HLA-DQB1: variants seen among roughly 807,000 people sequenced by gnomAD.
The protein encoded by HLA-DQB1 is HLA class II histocompatibility antigen, DQ beta 1 chain.
In HLA-DQB1, 13 loss-of-function variants were observed where a neutral mutation model predicts 26.4. The observed-to-expected ratio is 0.49, with a 90% CI of 0.32 to 0.78. The LOEUF (loss-of-function observed/expected upper bound fraction) is 0.78, where lower values mean the gene tolerates loss of function less well. HLA-DQB1 is among the 30% of genes least tolerant of loss of function. HLA-DQB1 has a pLI of 0.03. For synonymous variants in HLA-DQB1, 60 were observed against 129.1 expected (o/e 0.46, Z 3.63); for missense variants, 158 against 326.2 (o/e 0.48, Z 3.97).
Position 32,664,860 on chromosome 6 carries a change from TCC to T in HLA-DQB1, c.315_316del (p.Glu106ValfsTer61), listed in dbSNP as rs1783804457. 12 of 1,119,740 alleles carry T rather than the reference TCC, an allele frequency of 1.1e-5. No individual in the cohort carries two copies. The highest frequency in any genetic ancestry group is 2.2e-4 in the Middle Eastern group (1 of 4,546). The allele number at this position is 1,119,740 out of a possible 1,614,324, so 69.4% of individuals were successfully genotyped here. A position where few individuals can be genotyped will look rare whatever the true frequency, so the allele number is the denominator to read the frequency against. On this transcript the variant is annotated frameshift_variant, in exon 2 of 5. Transcript: ENST00000434651. LOFTEE classifies it high-confidence loss of function. ...GTTGTGTCTGCACACCGTGTCCAAC[TCC>T]GCCCGGGTCCCCTCCAGGACTTCCT...
At position 32,660,266 on chromosome 6, in the gene HLA-DQB1, AGCAT is replaced by A; in HGVS notation, c.773-21_773-18del. ...GCAGAAGCCCTGGAGAAGAGAGAAG[AGCAT>A]TGATCAGCACAGGGTATCCTGGTGG... On this transcript the variant is annotated intron_variant, in intron 4 of 4. Coordinates refer to ENST00000434651, the Ensembl canonical transcript of HLA-DQB1. 1 of 1,036,048 alleles carries A rather than the reference AGCAT, an allele frequency of 9.7e-7. No individual in the cohort carries two copies. The highest frequency in any genetic ancestry group is 1.4e-6 in the Non-Finnish European group (1 of 730,708). The allele number at this position is 1,036,048 out of a possible 1,614,324, so 64.2% of individuals were successfully genotyped here.
In HLA-DQB1 at chr6:32,666,521, C is replaced by T. The variant is rs200162904; in HGVS notation, c.87G>A (p.Leu29=). The T allele has an allele frequency of 7.9e-6, 9 of 1,144,178 alleles. No individual in the cohort carries two copies. In the Admixed American group the frequency reaches 1.7e-4, roughly 22 times the overall value. The allele number at this position is 1,144,178 out of a possible 1,614,324, so 70.9% of individuals were successfully genotyped here. Residue 29 remains leucine, a synonymous_variant, in exon 1 of 5, where the codon CTG becomes CTA. Transcript: ENST00000434651. ...TACCGGGAGAGTCTCTGCCCTCAGC[C>T]AGTAGGGAGCTCAGCATCGCCAGCA...
intron 1 of HLA-DQB1, among the ~76,000 whole-genome samples, chr6:32,665,729 A>ATCCATATTGGT (rs375691953): frequency 7.2e-6 from 1 of 139,330 alleles, no homozygotes; most frequent in Admixed American, 7.3e-5. Flanking sequence ...AGGTTATGTA[A>ATCCATATTGGT]CAGAATATCC....
At position 32,659,975 on chromosome 6, in the gene HLA-DQB1, T is replaced by G. The variant is rs1049222; in HGVS notation, c.*261A>C. On this transcript the variant is annotated 3_prime_UTR_variant, in exon 5 of 5. Coordinates refer to ENST00000434651, the Ensembl canonical transcript of HLA-DQB1. ...TCTCTTGAGCAGTCTGAGGAAAGAA[T>G]AGAAACAGAAACCCCTTGGGACCTG... is the stretch of plus-strand genomic sequence containing the variant. 7.4e-6 allele frequency: 2 copies of G among 269,072 alleles called. 1 individual carries two copies. The highest frequency in any genetic ancestry group is 1.4e-5 in the Non-Finnish European group (2 of 141,948). 16.7% of individuals were successfully genotyped at this position (269,072 alleles called of 1,614,324 possible). A position where few individuals can be genotyped will look rare whatever the true frequency, so the allele number is the denominator to read the frequency against.
At chr6:32,662,881 ATT>A (rs1783302214) in intron 2 of HLA-DQB1, 2 of 147,736 alleles carry the variant, frequency 1.4e-5, no homozygotes, top group Non-Finnish European at 3.0e-5. Context: ...ACCCTACTCC[ATT>A]TCCTTGCTAT....
At chr6:32,665,486 A>G (rs281861693) in intron 1 of HLA-DQB1, among the ~76,000 whole-genome samples, 2 of 104,038 alleles carry the variant, frequency 1.9e-5, no homozygotes, top group African/African-American at 3.3e-5. Flanking sequence ...AGGTCCAGGA[A>G]TTAAGCCTGG....
At chr6:32,660,413 T>C (rs28396311) in intron 4 of HLA-DQB1, 164 bp from the exon 5 acceptor site, 92,862 of 391,860 alleles carry the variant, frequency 0.24, 19,874 homozygotes, top group South Asian at 0.27. Context: ...AATCAGCTCA[T>C]GAGGACACAG....
At chr6:32,660,872 C>T in intron 4 of HLA-DQB1, 2 of 1,517,448 alleles carry the variant, frequency 1.3e-6, no homozygotes, top group Non-Finnish European at 1.8e-6. Flanking sequence ...CTGGTGGAGG[C>T]CCTTGAGGTC....
chr6:32,660,988 C>T (rs9273537), intron 4 of HLA-DQB1: 159,350 of 597,268 alleles, frequency 0.27, 25,150 homozygotes, highest in Admixed American at 0.39. Context: ...CTCTTCCCAC[C>T]CATGTTCTTC....
At chr6:32,663,415 G>GAAAGTAT (rs9282143) in intron 2 of HLA-DQB1, 6 of 126,764 alleles carry the variant, frequency 4.7e-5, no homozygotes, top group East Asian at 2.2e-4. Context: ...TTTCAATGCC[G>GAAAGTAT]CATTAACACA....
rs117789582 is a variant in HLA-DQB1 at position 32,659,826 on chromosome 6, G to A, written c.*410C>T. 0.015 allele frequency: 2,357 copies of A among 155,954 alleles called. 146 individuals carry two copies. The South Asian group carries it at 0.16, about 10-fold the overall frequency. The allele number at this position is 155,954 out of a possible 1,614,324, so 9.7% of individuals were successfully genotyped here. On this transcript the variant is annotated 3_prime_UTR_variant, in exon 5 of 5. Coordinates refer to ENST00000434651, the Ensembl canonical transcript of HLA-DQB1. ...GGTTTGCTGGGTCACCTCAAGGGATGTTCCTTCATTCTGCAGTGATTTCCT... is the reference window on the plus strand; with the variant it reads ...GGTTTGCTGGGTCACCTCAAGGGATATTCCTTCATTCTGCAGTGATTTCCT...
rs1170512902 is a variant in HLA-DQB1 at position 32,666,581 on chromosome 6, GA to G, written c.26del (p.Ile9ThrfsTer7). ...CAGTTGCTACCCGAAGGTCTCCGGG[GA>G]TCCGCAAAGCCTTCTTCCAAGACAT... On this transcript the variant is annotated frameshift_variant, in exon 1 of 5. Transcript: ENST00000434651. LOFTEE classifies it high-confidence loss of function. 8.5e-7 allele frequency: 1 copy of G among 1,178,386 alleles called. No individual in the cohort carries two copies. The highest frequency in any genetic ancestry group is 1.2e-6 in the Non-Finnish European group (1 of 814,406). The allele number at this position is 1,178,386 out of a possible 1,614,324, so 73.0% of individuals were successfully genotyped here.
rs375217182 is a variant in HLA-DQB1 at position 32,660,353 on chromosome 6, A to G, written c.773-104T>C. 4.9e-3 allele frequency: 2,784 copies of G among 572,428 alleles called. 156 individuals carry two copies. Among genetic ancestry groups the G allele is most frequent in the East Asian group, 0.045 (1,128 of 25,342 alleles). 35.5% of individuals were successfully genotyped at this position (572,428 alleles called of 1,614,324 possible). ...CTGCAGCTTCAGACAGAGAAAGTTG[A>G]GGTCCAGGGTGTATTGTCATCACCT... On this transcript the variant is annotated intron_variant, in intron 4 of 4. Coordinates refer to ENST00000434651, the Ensembl canonical transcript of HLA-DQB1.
chr6:32,665,951 A>G (rs1784062015), intron 1 of HLA-DQB1, among the ~76,000 whole-genome samples: 1 of 137,476 alleles, frequency 7.3e-6, no homozygotes, highest in East Asian at 2.1e-4. Flanking sequence ...CCATTTGCCC[A>G]TAAATCAGTG....
At chr6:32,666,585 C>A in exon 1 of HLA-DQB1, 1 of 1,176,300 alleles carries the variant, frequency 8.5e-7, no homozygotes, top group South Asian at 1.3e-5. Flanking sequence ...TCCGGGGATC[C>A]GCAAAGCCTT....
At chr6:32,662,893 T>C (rs1352660582) in intron 2 of HLA-DQB1, 2 of 147,444 alleles carry the variant, frequency 1.4e-5, no homozygotes, top group Admixed American at 1.4e-4. Flanking sequence ...TTCCTTGCTA[T>C]TGACAATTAC....
At chr6:32,664,850 C>T (rs1130389) in exon 2 of HLA-DQB1, 61,374 of 1,047,538 alleles carry the variant, frequency 0.059, 13,737 homozygotes, top group South Asian at 0.17. Flanking sequence ...GTCTGCACAC[C>T]GTGTCCAACT....
intron 4 of HLA-DQB1, chr6:32,660,939 C>T (rs117867884): frequency 0.02 from 22,761 of 1,164,352 alleles, 1,668 homozygotes; most frequent in East Asian, 0.17. Flanking sequence ...CACTCTCTCA[C>T]CCCAAAGGAA....
intron 1 of HLA-DQB1, among the ~76,000 whole-genome samples, chr6:32,665,607 A>AGAAG (rs879828549): frequency 0.37 from 46,870 of 125,796 alleles, 12,825 homozygotes; most frequent in Middle Eastern, 0.54. Context: ...TATGTTGGAA[A>AGAAG]GGACCTACAC....
Sources: gnomAD v4.1 joint callset for allele counts (sites outside exome capture counted in the v4.1 genomes callset) on GRCh38, gnomAD v4.1.1 for gene constraint, MANE v1.5 for transcripts, NCBI Gene and HGNC (gene_info 2026-07-23, HGNC 2026-07-21) for gene names.